The following RGS8 variants were observed in gnomAD, a reference collection of about 807,000 sequenced individuals.
RGS8 encodes the protein regulator of G protein signaling 8, also known as regulator of G-protein signaling 8.
In RGS8, 8 loss-of-function variants were observed where a neutral mutation model predicts 21.7. The ratio of observed to expected loss-of-function variants is 0.37; its 90% CI spans 0.22 to 0.66. The LOEUF (loss-of-function observed/expected upper bound fraction) is 0.66. Ranked by LOEUF, RGS8 falls within the 30% of genes least tolerant of loss-of-function variation. The pLI is 0.59. For synonymous variants in RGS8, 80 were observed against 83.6 expected (o/e 0.96, Z 0.24); for missense variants, 157 against 217.9 (o/e 0.72, Z 1.76).
At chr1:182,724,249 C>CATATATATATATA in the RGS8 span, among the ~76,000 whole-genome samples, 1 of 60,402 alleles carries the variant, frequency 1.7e-5, no homozygotes, top group Non-Finnish European at 3.4e-5. Context: ...TATATATATC[C>CATATATATATATA]TATTATTTCT....
At chr1:182,704,663 G>A in the RGS8 span, among the ~76,000 whole-genome samples, 8 of 152,302 alleles carry the variant, frequency 5.3e-5, no homozygotes, top group Non-Finnish European at 8.8e-5. Flanking sequence ...GAGGAATCGG[G>A]GATGCGGATT....
At chr1:182,662,135 T>C (rs748033394) in intron 5 of RGS8, among the ~76,000 whole-genome samples, 1 of 152,158 alleles carries the variant, frequency 6.6e-6, no homozygotes, top group Non-Finnish European at 1.5e-5. Context: ...GCCCTCCAGA[T>C]TTTTTAAATT....
chr1:182,740,635 G>C, the RGS8 span, among the ~76,000 whole-genome samples: 1 of 143,530 alleles, frequency 7.0e-6, no homozygotes, highest in Non-Finnish European at 1.5e-5. Flanking sequence ...GACAATAGTG[G>C]AGGGAAGGTC....
chr1:182,671,647 C>T lies in RGS8; in HGVS notation c.-104+10G>A. The stretch of plus-strand genomic sequence containing the variant: ...CGGAGAAGAAAGAGAAAAGCAAAGG[C>T]AATACTCACTGTCTTTGGCCAGTCC... On this transcript the variant is annotated intron_variant, in intron 2 of 6. Transcript: ENST00000483095. The T allele has an allele frequency of 1.9e-6, 3 of 1,613,314 alleles. No homozygotes were observed. The East Asian group carries it at 6.7e-5, about 36-fold the overall frequency.
At chr1:182,650,342 T>C (rs1303999286) in intron 5 of RGS8, among the ~76,000 whole-genome samples, 1 of 152,240 alleles carries the variant, frequency 6.6e-6, no homozygotes, top group Non-Finnish European at 1.5e-5. Flanking sequence ...AATGCTTACT[T>C]TTACTTTCTT....
chr1:182,669,538 G>A (rs1031069907), intron 3 of RGS8, 86 bp downstream of exon 4: 1 of 1,597,574 alleles, frequency 6.3e-7, no homozygotes, highest in Admixed American at 1.7e-5. Context: ...AGAAGGCTTG[G>A]GCCAGACTCA....
the RGS8 span, among the ~76,000 whole-genome samples, chr1:182,732,272 T>TACACACACACACACACAC: frequency 2.9e-3 from 388 of 132,558 alleles, 4 homozygotes; most frequent in African/African-American, 9.8e-3. Context: ...CTCTCTCTCA[T>TACACACACACACACACAC]ACACACACAC....
the RGS8 span, among the ~76,000 whole-genome samples, chr1:182,696,195 C>T: frequency 3.0e-4 from 46 of 152,302 alleles, 1 homozygote; most frequent in Admixed American, 8.5e-4. Flanking sequence ...TAGGAATTCA[C>T]CAATTACTCA....
chr1:182,718,435 A>ACTCCACAAGGCAGTGGCAGCAAGAC, the RGS8 span, among the ~76,000 whole-genome samples: 1 of 152,162 alleles, frequency 6.6e-6, no homozygotes, highest in Non-Finnish European at 1.5e-5. Flanking sequence ...CATTAGAAAC[A>ACTCCACAAGGCAGTGGCAGCAAGAC]CTCCACAAGG....
chr1:182,703,252 T>A, the RGS8 span, among the ~76,000 whole-genome samples: 15 of 152,198 alleles, frequency 9.9e-5, no homozygotes, highest in Non-Finnish European at 2.1e-4. Flanking sequence ...CTGAGAGAGA[T>A]GCTTGTGTGG....
At chr1:182,646,741 G>C in exon 7 of RGS8, 1 of 1,611,852 alleles carries the variant, frequency 6.2e-7, no homozygotes, top group Non-Finnish European at 8.5e-7. Flanking sequence ...AGGTCTAACT[G>C]AGCCTCCTCT....
the RGS8 span, among the ~76,000 whole-genome samples, chr1:182,738,183 A>G: frequency 6.6e-6 from 1 of 152,238 alleles, no homozygotes; most frequent in African/African-American, 2.4e-5. Context: ...ATTAGAGCCA[A>G]AACTGTTGCA....
At position 182,666,882 on chromosome 1, in the gene RGS8, G is replaced by A. The variant is rs372442546; in HGVS notation, c.118C>T (p.Arg40Cys). The A allele has an allele frequency of 3.4e-5, 55 of 1,613,658 alleles. No homozygotes were observed. Among genetic ancestry groups the A allele is most frequent in the Non-Finnish European group, 4.3e-5 (51 of 1,179,690 alleles). ...GGCCGTACTACTCACTTGAGAGCGC[G>A]GTTGGGTTTGTCTGGAAGAATAGCT... The change falls in exon 4 of 7, where the codon CGC (arginine) becomes TGC (cysteine). Residue 40 changes from arginine to cysteine, a missense_variant. This residue lies in a region of RGS8 where 125 missense variants were observed against 179.4 expected (regional missense o/e 0.70). Coordinates refer to ENST00000483095, the Ensembl canonical transcript of RGS8.
At chr1:182,723,370 G>A in the RGS8 span, among the ~76,000 whole-genome samples, 1 of 152,144 alleles carries the variant, frequency 6.6e-6, no homozygotes. Flanking sequence ...GTTGCTGGCT[G>A]GCTGGGATCC....
the RGS8 span, among the ~76,000 whole-genome samples, chr1:182,702,512 G>T: frequency 1.2e-4 from 19 of 152,146 alleles, no homozygotes; most frequent in Non-Finnish European, 1.5e-5. Flanking sequence ...ATCTGCACAT[G>T]TACCCCTGAA....
chr1:182,733,410 G>C, the RGS8 span, among the ~76,000 whole-genome samples: 7,955 of 152,280 alleles, frequency 0.052, 241 homozygotes, highest in Middle Eastern at 0.071. Context: ...TTGACTGCTA[G>C]AATGTAGCTG....
the RGS8 span, among the ~76,000 whole-genome samples, chr1:182,750,329 C>A: frequency 2.0e-5 from 3 of 152,180 alleles, no homozygotes; most frequent in East Asian, 5.8e-4. Context: ...TGCAGACCAA[C>A]ACCCTTTTTT....
At chr1:182,700,467 T>C in the RGS8 span, among the ~76,000 whole-genome samples, 1 of 152,222 alleles carries the variant, frequency 6.6e-6, no homozygotes, top group Non-Finnish European at 1.5e-5. Context: ...TTGTTCTTCC[T>C]GGTTTCTCTT....
the RGS8 span, among the ~76,000 whole-genome samples, chr1:182,748,717 G>A: frequency 6.6e-6 from 1 of 152,112 alleles, no homozygotes; most frequent in African/African-American, 2.4e-5. Flanking sequence ...TTACATTCCT[G>A]CTAATAGTAT....
Sources: gnomAD v4.1 joint callset for allele counts (sites outside exome capture counted in the v4.1 genomes callset) on GRCh38, gnomAD v4.1.1 for gene constraint, gnomAD v4.1.1 regional missense constraint, MANE v1.5 for transcripts, NCBI Gene and HGNC (gene_info 2026-07-23, HGNC 2026-07-21) for gene names.